The following ME1 variants were observed in gnomAD, a reference collection of about 807,000 sequenced individuals.
ME1 encodes NADP-dependent malic enzyme.
Under a neutral mutation model 66.4 loss-of-function variants are expected in ME1, and 74 were observed. The observed-to-expected ratio is 1.11, with a 90% CI of 0.92 to 1.35. The LOEUF (loss-of-function observed/expected upper bound fraction) is 1.35, where lower values mean the gene tolerates loss of function less well. Among genes scored for constraint, ME1 ranks in the 40% most tolerant of loss-of-function variants. The pLI is 0.00. For missense variants in ME1, 750 were observed against 694.1 expected (o/e 1.08, Z -0.90); for synonymous variants, 251 against 235.6 (o/e 1.07, Z -0.60).
intron 8 of ME1, 105 bp downstream of exon 8, chr6:83,239,434 A>G (rs1234924471): frequency 6.8e-6 from 5 of 731,392 alleles, no homozygotes; most frequent in Non-Finnish European, 1.2e-5. Context: ...TACAGTCATA[A>G]TATACTAAAA....
chr6:83,334,752 G>T (rs1321221004), intron 5 of ME1, among the ~76,000 whole-genome samples: 1 of 21,174 alleles, frequency 4.7e-5, no homozygotes, highest in Non-Finnish European at 8.1e-5. Context: ...GCAGCTGAGG[G>T]TCCTGTCTGT....
chr6:83,422,562 C>A (rs1770287943), intron 1 of ME1, among the ~76,000 whole-genome samples: 1 of 152,142 alleles, frequency 6.6e-6, no homozygotes, highest in African/African-American at 2.4e-5. Flanking sequence ...CAAAGACTTA[C>A]AATCAGTTAT....
intron 6 of ME1, among the ~76,000 whole-genome samples, chr6:83,302,045 T>G (rs1458226508): frequency 6.6e-6 from 1 of 152,118 alleles, no homozygotes; most frequent in Non-Finnish European, 1.5e-5. Context: ...AGATATGGAA[T>G]CAACCTAAAT....
chr6:83,241,862 A>T (rs1018132826), intron 7 of ME1, among the ~76,000 whole-genome samples: 20 of 151,984 alleles, frequency 1.3e-4, no homozygotes, highest in African/African-American at 4.6e-4. Context: ...TTTTGTATTT[A>T]TTTTTATTTT....
intron 6 of ME1, among the ~76,000 whole-genome samples, chr6:83,261,170 G>A (rs983184256): frequency 6.6e-6 from 1 of 151,986 alleles, no homozygotes; most frequent in Non-Finnish European, 1.5e-5. Flanking sequence ...GTATGACATG[G>A]TATCTCATTA....
At chr6:83,212,143 A>C in intron 13 of ME1, 49 bp from the exon 14 acceptor site, 1 of 1,386,600 alleles carries the variant, frequency 7.2e-7, no homozygotes, top group Non-Finnish European at 9.8e-7. Context: ...AGAGGTAATC[A>C]TGAGCCCATG....
At chr6:83,385,401 C>G (rs1167856857) in intron 3 of ME1, among the ~76,000 whole-genome samples, 1 of 151,852 alleles carries the variant, frequency 6.6e-6, no homozygotes, top group Non-Finnish European at 1.5e-5. Flanking sequence ...TTTCTTAATT[C>G]TCCATATGCT....
intron 1 of ME1, among the ~76,000 whole-genome samples, chr6:83,423,033 C>T (rs1770299846): frequency 6.6e-6 from 1 of 152,008 alleles, no homozygotes; most frequent in South Asian, 2.1e-4. Context: ...AGATAAACCC[C>T]AAAACCTCCA....
intron 3 of ME1, among the ~76,000 whole-genome samples, chr6:83,396,105 A>T (rs1769726175): frequency 6.6e-6 from 1 of 152,116 alleles, no homozygotes. Flanking sequence ...TCATGCCTGT[A>T]CTTTGGGAGG....
chr6:83,343,587 A>T (rs1340774855), intron 5 of ME1, among the ~76,000 whole-genome samples: 2 of 152,220 alleles, frequency 1.3e-5, no homozygotes, highest in Admixed American at 6.5e-5. Flanking sequence ...CAGCTTAAAA[A>T]TTTTGAAATG....
At chr6:83,264,920 T>G (rs1361724566) in intron 6 of ME1, among the ~76,000 whole-genome samples, 1 of 152,192 alleles carries the variant, frequency 6.6e-6, no homozygotes, top group Non-Finnish European at 1.5e-5. Flanking sequence ...CAACCTGGTT[T>G]GAAAGGATTG....
intron 6 of ME1, among the ~76,000 whole-genome samples, chr6:83,299,793 G>T (rs896583546): frequency 2.0e-5 from 3 of 152,132 alleles, no homozygotes; most frequent in African/African-American, 7.2e-5. Flanking sequence ...CTAGTTTATT[G>T]AGAGTTTTTA....
chr6:83,430,858 G>A lies in ME1; in HGVS notation c.78+19C>T, dbSNP rs1482249490. ...ATAGAGAGGGGCCGATGGGCGGCCAGGTGGGCCTGCGGGTTTACCTTGTTG... is the reference window on the plus strand; with the variant it reads ...ATAGAGAGGGGCCGATGGGCGGCCAAGTGGGCCTGCGGGTTTACCTTGTTG... On this transcript the variant is annotated intron_variant, in intron 1 of 13. Transcript: ENST00000369705. 1.1e-5 allele frequency: 17 copies of A among 1,589,792 alleles called. No individual in the cohort carries two copies. Among genetic ancestry groups the A allele is most frequent in the Non-Finnish European group, 1.5e-5 (17 of 1,167,242 alleles).
At chr6:83,296,450 A>G (rs907268059) in intron 6 of ME1, among the ~76,000 whole-genome samples, 1 of 152,198 alleles carries the variant, frequency 6.6e-6, no homozygotes, top group African/African-American at 2.4e-5. Flanking sequence ...AGAAAAGGCT[A>G]TCGATAAAAT....
intron 6 of ME1, among the ~76,000 whole-genome samples, chr6:83,275,551 C>T (rs1271012431): frequency 5.7e-5 from 8 of 140,488 alleles, no homozygotes; most frequent in Non-Finnish European, 1.1e-4. Context: ...CTGCAAGCTC[C>T]GCCTCCCGGG....
chr6:83,363,314 T>C (rs1425380522), intron 3 of ME1, among the ~76,000 whole-genome samples: 1 of 152,210 alleles, frequency 6.6e-6, no homozygotes, highest in Non-Finnish European at 1.5e-5. Flanking sequence ...GGGCTCCTCA[T>C]ACCTTTAAGT....
At chr6:83,402,850 A>G (rs1769863104) in intron 2 of ME1, among the ~76,000 whole-genome samples, 1 of 152,254 alleles carries the variant, frequency 6.6e-6, no homozygotes, top group Non-Finnish European at 1.5e-5. Flanking sequence ...AAAGGTAGTT[A>G]TAAACACCAG....
chr6:83,342,553 A>G (rs1487610448), intron 5 of ME1, among the ~76,000 whole-genome samples: 1 of 152,218 alleles, frequency 6.6e-6, no homozygotes, highest in Admixed American at 6.5e-5. Context: ...CAGATATTCA[A>G]TACTTTTTAA....
At chr6:83,350,234 T>C (rs1583395088) in intron 4 of ME1, among the ~76,000 whole-genome samples, 1 of 152,324 alleles carries the variant, frequency 6.6e-6, no homozygotes, top group South Asian at 2.1e-4. Context: ...GCTAAGATTT[T>C]TAAATAAAAG....
Sources: gnomAD v4.1 joint callset for allele counts (sites outside exome capture counted in the v4.1 genomes callset) on GRCh38, gnomAD v4.1.1 for gene constraint, MANE v1.5 for transcripts, NCBI Gene and HGNC (gene_info 2026-07-23, HGNC 2026-07-21) for gene names.